The following SLC6A14 variants were observed in gnomAD, a reference collection of about 807,000 sequenced individuals.
The protein encoded by SLC6A14 is sodium- and chloride-dependent neutral and basic amino acid transporter B(0+).
In SLC6A14, 21 loss-of-function variants were observed where a neutral mutation model predicts 51.4. That is an observed-to-expected ratio of 0.41 (90% CI 0.29 to 0.59). The LOEUF (loss-of-function observed/expected upper bound fraction) is 0.59. Ranked by LOEUF, SLC6A14 falls within the 20% of genes least tolerant of loss-of-function variation. The pLI is 0.31. For missense variants in SLC6A14, 371 were observed against 472.8 expected, an observed-to-expected ratio of 0.78 and a Z score of 2.00; for synonymous variants, 177 against 160.7, an observed-to-expected ratio of 1.10 and a Z score of -0.77.
At chrX:116,438,008 G>T in intron 2 of SLC6A14, 53 bp downstream of exon 2, 2 of 935,966 alleles carry the variant, frequency 2.1e-6, no homozygotes, top group Non-Finnish European at 1.4e-6. Flanking sequence ...CCAGTTTTAA[G>T]TGTGGTTCTG....
At chrX:116,455,261 G>A in intron 11 of SLC6A14, 96 bp from the exon 12 acceptor site, 3 of 740,333 alleles carry the variant, frequency 4.1e-6, no homozygotes, top group South Asian at 4.8e-5. Flanking sequence ...TGTTGTGGTA[G>A]AGAAAAATGT....
chrX:116,445,457 GGAGAGAGAGAGAGAGAGAGA>G (rs4068397), intron 6 of SLC6A14, among the ~76,000 whole-genome samples: 5 of 67,027 alleles, frequency 7.5e-5, no homozygotes, highest in Non-Finnish European at 1.1e-4. Context: ...TCCCCTAGTC[GGAGAGAGAGAGAGAGAGAGA>G]GAGAGAGAGA....
At chrX:116,452,350 A>T (rs1367849184) in intron 8 of SLC6A14, among the ~76,000 whole-genome samples, 3 of 111,281 alleles carry the variant, frequency 2.7e-5, no homozygotes, top group Non-Finnish European at 5.7e-5. Context: ...AATATTTAGG[A>T]AGTGATAGAG....
rs782654382 is a variant in SLC6A14 at position 116,443,758 on chromosome X, G to T, written c.624G>T (p.Gln208His). ...FTCINGSEIYQPGQLPSEQYW... is the reference protein window; with the variant it reads ...FTCINGSEIYHPGQLPSEQYW... ...GCATCAACGGCAGTGAAATTTATCA[G>T]CCAGGGCAGCTTCCCAGTGAACAAT... Residue 208 changes from glutamine to histidine, a missense_variant, in exon 5 of 14, where the codon CAG becomes CAT. Around this residue, in one of 2 missense-constraint regions of SLC6A14, gnomAD observed 277 missense variants for 391.8 expected, o/e 0.71. Transcript: ENST00000598581. 15 of 1,203,255 alleles carry T rather than the reference G, an allele frequency of 1.2e-5. No homozygotes were observed. The highest frequency in any genetic ancestry group is 1.6e-5 in the Non-Finnish European group (14 of 891,910).
rs782578051 is a variant in SLC6A14, at chrX:116,460,712, G to C, written c.*1757G>C. 113 of 108,470 alleles carry C rather than the reference G, an allele frequency of 1.0e-3. 1 individual carries two copies. The highest frequency in any genetic ancestry group is 1.7e-3 in the Non-Finnish European group (91 of 52,453). The allele number at this position is 108,470 out of a possible 1,213,427, so 8.9% of individuals were successfully genotyped here. A position where few individuals can be genotyped will look rare whatever the true frequency, so the allele number is the denominator to read the frequency against. ...GCCTCTTGAGTAGCTGGGACTACAG[G>C]TGCCCGCCACCACACCAGCTAATTT... On this transcript the variant is annotated 3_prime_UTR_variant, in exon 14 of 14. Transcript: ENST00000598581.
chrX:116,441,162 T>A, intron 3 of SLC6A14, 65 bp downstream of exon 3: 1 of 1,087,646 alleles, frequency 9.2e-7, no homozygotes, highest in African/African-American at 1.8e-5. Flanking sequence ...TGTATATTTG[T>A]GCATATAGCT....
intron 11 of SLC6A14, 133 bp downstream of exon 11, chrX:116,455,209 CATT>C: frequency 1.7e-6 from 1 of 600,493 alleles, no homozygotes; most frequent in Non-Finnish European, 2.6e-6. Context: ...TACTGCACAA[CATT>C]ATGTTATGTA....
intron 1 of SLC6A14, among the ~76,000 whole-genome samples, chrX:116,437,085 C>T (rs1485045813): frequency 1.8e-5 from 2 of 111,225 alleles, no homozygotes; most frequent in African/African-American, 6.5e-5. Flanking sequence ...CCTCCATACC[C>T]CAGAGAAGTG....
chrX:116,451,426 T>C lies in SLC6A14; in HGVS notation c.931-16T>C. On this transcript the variant is annotated splice_polypyrimidine_tract_variant and intron_variant, in intron 7 of 13. Coordinates refer to ENST00000598581, the MANE Select transcript of SLC6A14 (RefSeq NM_007231.5). ...TGAGTATATGTTTTAAAATATTAAATTATTTTCTCTTATAGGTATGGAAAG... is the reference window on the plus strand; with the variant it reads ...TGAGTATATGTTTTAAAATATTAAACTATTTTCTCTTATAGGTATGGAAAG... 1 of 1,095,731 alleles carries C rather than the reference T, an allele frequency of 9.1e-7. No individual in the cohort carries two copies. Among genetic ancestry groups the C allele is most frequent in the South Asian group, 2.1e-5 (1 of 48,671 alleles). 90.3% of individuals were successfully genotyped at this position (1,095,731 alleles called of 1,213,427 possible). A position where few individuals can be genotyped will look rare whatever the true frequency, so the allele number is the denominator to read the frequency against.
chrX:116,445,457 GGAGAGAGAGAGAGAGAGAGAGAGA>G (rs4068397), intron 6 of SLC6A14, among the ~76,000 whole-genome samples: 6 of 67,025 alleles, frequency 9.0e-5, no homozygotes, highest in South Asian at 9.8e-4. Context: ...TCCCCTAGTC[GGAGAGAGAGAGAGAGAGAGAGAGA>G]GAGAGAGAGA....
chrX:116,453,235 C>A lies in SLC6A14; in HGVS notation c.1285+93C>A, dbSNP rs186038650. 5,510 of 744,474 alleles carry A rather than the reference C, an allele frequency of 7.4e-3. 26 individuals carry two copies. Among genetic ancestry groups the A allele is most frequent in the South Asian group, 0.025 (622 of 24,409 alleles). The allele number at this position is 744,474 out of a possible 1,213,427, so 61.4% of individuals were successfully genotyped here. On this transcript the variant is annotated intron_variant, in intron 9 of 13. Transcript: ENST00000598581. ...AAGGTGCTTTTATTACCCCTATTACCCCCTCTAGCTGTTAATCTCAGAATG... is the reference window on the plus strand; with the variant it reads ...AAGGTGCTTTTATTACCCCTATTACACCCTCTAGCTGTTAATCTCAGAATG...
Position 116,441,041 on chromosome X carries a change from GACAAT to G in SLC6A14, c.291_295del (p.Gln98CysfsTer2). 8.3e-7 allele frequency: 1 copy of G among 1,210,079 alleles called. No individual in the cohort carries two copies. Among genetic ancestry groups the G allele is most frequent in the Non-Finnish European group, 1.1e-6 (1 of 894,150 alleles). On this transcript the variant is annotated frameshift_variant, in exon 3 of 14. Coordinates refer to ENST00000598581, the MANE Select transcript of SLC6A14 (RefSeq NM_007231.5). LOFTEE classifies it high-confidence loss of function. Reference sequence around the variant, plus strand: ...TTGTTCTTTCTGGAGTGTTCACTGGGACAATTTGCTAGCTTAGGTCCAGTTTCAGT... The same window carrying G: ...TTGTTCTTTCTGGAGTGTTCACTGGGTTGCTAGCTTAGGTCCAGTTTCAGT...
chrX:116,437,982 AC>A (rs1927516948), intron 2 of SLC6A14, 27 bp downstream of exon 2: 1 of 629,847 alleles, frequency 1.6e-6, no homozygotes, highest in Admixed American at 5.3e-5. Flanking sequence ...CCACCCTCCC[AC>A]CCCCGCTTTT....
intron 7 of SLC6A14, among the ~76,000 whole-genome samples, chrX:116,450,265 A>G (rs1468999303): frequency 1.8e-5 from 2 of 111,809 alleles, no homozygotes; most frequent in Non-Finnish European, 3.8e-5. Context: ...TAGTCAAAAG[A>G]TTAGATTCCA....
chrX:116,439,678 C>G (rs1927555424), intron 2 of SLC6A14, among the ~76,000 whole-genome samples: 1 of 110,467 alleles, frequency 9.1e-6, no homozygotes, highest in Non-Finnish European at 1.9e-5. Context: ...CAAAAAATAC[C>G]TGTTCACACT....
chrX:116,454,574 T>G (rs1465097733), intron 10 of SLC6A14, 132 bp downstream of exon 10: 4 of 446,485 alleles, frequency 9.0e-6, no homozygotes, highest in Non-Finnish European at 1.5e-5. Flanking sequence ...GTTTTCTGGG[T>G]TTTAGCCCAT....
intron 1 of SLC6A14, 141 bp from the exon 2 acceptor site, chrX:116,437,649 A>G: frequency 1.7e-6 from 1 of 585,978 alleles, no homozygotes; most frequent in Non-Finnish European, 2.7e-6. Flanking sequence ...AATCTCCCCA[A>G]CTTTCTAAAG....
chrX:116,459,190 A>ACACC lies in SLC6A14; in HGVS notation c.*236_*237insACCC. 3.9e-6 allele frequency: 1 copy of ACACC among 255,963 alleles called. No individual in the cohort carries two copies. Among genetic ancestry groups the ACACC allele is most frequent in the Non-Finnish European group, 6.9e-6 (1 of 144,036 alleles). 21.1% of individuals were successfully genotyped at this position (255,963 alleles called of 1,213,427 possible). A position where few individuals can be genotyped will look rare whatever the true frequency, so the allele number is the denominator to read the frequency against. ...CTATCTGTATAACACACACACACAC[A>ACACC]CCTAAGAGTCTCTATTTCACAATTA... On this transcript the variant is annotated 3_prime_UTR_variant, in exon 14 of 14. Coordinates refer to ENST00000598581, the MANE Select transcript of SLC6A14 (RefSeq NM_007231.5).
intron 5 of SLC6A14, among the ~76,000 whole-genome samples, chrX:116,444,341 T>C (rs1927661820): frequency 8.9e-6 from 1 of 111,742 alleles, no homozygotes; most frequent in South Asian, 3.7e-4. Context: ...CATCCACTGT[T>C]AATGACCTTT....
Sources: allele counts gnomAD v4.1 joint callset (sites outside exome capture counted in the v4.1 genomes callset), GRCh38; gene constraint gnomAD v4.1.1; regional missense constraint gnomAD v4.1.1; transcripts MANE v1.5; gene names NCBI Gene and HGNC (gene_info 2026-07-23, HGNC 2026-07-21).